MPHOSPH9: variants seen among roughly 807,000 people sequenced by gnomAD.
The protein encoded by MPHOSPH9 is M-phase phosphoprotein 9.
MPHOSPH9 carries 88 observed loss-of-function variants against 145.5 expected under a neutral mutation model. The ratio of observed to expected loss-of-function variants is 0.60; its 90% confidence interval spans 0.51 to 0.72. MPHOSPH9 has a LOEUF of 0.72. MPHOSPH9 is among the 30% of genes least tolerant of loss of function. The pLI, the probability that MPHOSPH9 is intolerant of heterozygous loss-of-function variation, is 0.00. For synonymous variants in MPHOSPH9, 435 were observed against 486.2 expected (o/e 0.89, Z 1.39); for missense variants, 1,238 against 1,386.6 (o/e 0.89, Z 1.70).
rs2044337887 is a variant in MPHOSPH9 at position 123,166,733 on chromosome 12, T to C, written c.2513A>G (p.Tyr838Cys). 4.3e-6 allele frequency: 7 copies of C among 1,614,116 alleles called. No individual in the cohort carries two copies. Among genetic ancestry groups the C allele is most frequent in the African/African-American group, 2.7e-5 (2 of 75,050 alleles). ...RRKWLIPGAE[Y>C]SIFTGQPLDT... ...CAGAGGCTGGCCAGTAAAGATGGAATACTCTGCACCTGGAATCAGCCATTT... is the reference window on the plus strand; with the variant it reads ...CAGAGGCTGGCCAGTAAAGATGGAACACTCTGCACCTGGAATCAGCCATTT... Residue 838 changes from tyrosine (Y) to cysteine (C), a missense_variant, in exon 17 of 24, where the codon TAT becomes TGT. This residue lies in a region of MPHOSPH9 where 393 missense variants were observed against 462.5 expected (regional missense o/e 0.85). Coordinates refer to ENST00000606320, the MANE Select transcript of MPHOSPH9 (RefSeq NM_022782.4).
intron 3 of MPHOSPH9, among the ~76,000 whole-genome samples, chr12:123,226,600 T>C (rs1314838228): frequency 6.6e-6 from 1 of 151,988 alleles, no homozygotes; most frequent in African/African-American, 2.4e-5. Context: ...TATCCACCTC[T>C]GCCTCAAGTG....
intron 12 of MPHOSPH9, among the ~76,000 whole-genome samples, chr12:123,195,576 ACT>A (rs2045910133): frequency 6.6e-6 from 1 of 151,320 alleles, no homozygotes; most frequent in Admixed American, 6.6e-5. Flanking sequence ...ACAGAGTGAG[ACT>A]CTGTCTCAAA....
intron 16 of MPHOSPH9, among the ~76,000 whole-genome samples, chr12:123,169,420 G>A (rs1396277898): frequency 2.0e-5 from 3 of 151,046 alleles, no homozygotes; most frequent in Non-Finnish European, 4.4e-5. Flanking sequence ...AATGGCATAA[G>A]CCCAGGAGGC....
At chr12:123,201,328 T>C (rs1185458823) in intron 11 of MPHOSPH9, among the ~76,000 whole-genome samples, 2 of 152,166 alleles carry the variant, frequency 1.3e-5, no homozygotes, top group African/African-American at 4.8e-5. Flanking sequence ...CTTTTCTCCT[T>C]AGAGAATGCC....
At chr12:123,197,031 GTTTTTTTTTTTTTTTTTTT>G (rs56061451) in intron 12 of MPHOSPH9, among the ~76,000 whole-genome samples, 2 of 72,988 alleles carry the variant, frequency 2.7e-5, no homozygotes, top group Non-Finnish European at 5.0e-5. Context: ...AGGGGTGTGG[GTTTTTTTTTTTTTTTTTTT>G]TTTTTTTTTG....
At chr12:123,189,582 A>G (rs1268786464) in intron 13 of MPHOSPH9, among the ~76,000 whole-genome samples, 2 of 152,204 alleles carry the variant, frequency 1.3e-5, no homozygotes, top group Non-Finnish European at 2.9e-5. Context: ...AAGTTGTGCT[A>G]CTACTACATG....
At chr12:123,187,943 T>C (rs193043141) in intron 13 of MPHOSPH9, among the ~76,000 whole-genome samples, 58 of 152,168 alleles carry the variant, frequency 3.8e-4, no homozygotes, top group African/African-American at 1.4e-3. Flanking sequence ...CTGGCCAACA[T>C]GGTGAAACTG....
intron 1 of MPHOSPH9, chr12:123,232,817 C>T (rs2047720482): frequency 6.6e-6 from 1 of 152,204 alleles, no homozygotes; most frequent in Non-Finnish European, 1.5e-5. Flanking sequence ...CCCCACAAAC[C>T]CCCCGCCCCT....
intron 3 of MPHOSPH9, among the ~76,000 whole-genome samples, chr12:123,224,110 T>TTATATATATATATATATATATATATATA (rs147637276): frequency 3.9e-4 from 47 of 120,364 alleles, no homozygotes; most frequent in Non-Finnish European, 5.7e-4. Context: ...AATTGCTAAT[T>TTATATATATATATATATATATATATATA]TATATATATA....
At chr12:123,204,363 T>C (rs1157116251) in intron 8 of MPHOSPH9, among the ~76,000 whole-genome samples, 2 of 151,818 alleles carry the variant, frequency 1.3e-5, no homozygotes, top group Non-Finnish European at 2.9e-5. Context: ...TGAGAAAACT[T>C]TCGGCCAAAT....
intron 11 of MPHOSPH9, among the ~76,000 whole-genome samples, chr12:123,201,171 A>G (rs2046205177): frequency 6.6e-6 from 1 of 152,212 alleles, no homozygotes; most frequent in South Asian, 2.1e-4. Context: ...GTTAACTACC[A>G]CAGCAACCAA....
At chr12:123,221,016 C>G (rs1020653762) in intron 5 of MPHOSPH9, among the ~76,000 whole-genome samples, 2 of 152,312 alleles carry the variant, frequency 1.3e-5, no homozygotes, top group South Asian at 4.1e-4. Flanking sequence ...GATTGCGCCA[C>G]TGCACTCCAG....
In MPHOSPH9 at chr12:123,210,055, C is replaced by T. The variant is rs745870092; in HGVS notation, c.1194+1G>A. 6.3e-7 allele frequency: 1 copy of T among 1,598,920 alleles called. No individual in the cohort carries two copies. Among genetic ancestry groups the T allele is most frequent in the East Asian group, 2.3e-5 (1 of 44,408 alleles). On this transcript the variant is annotated splice_donor_variant, in intron 8 of 23. Transcript: ENST00000606320. LOFTEE classifies it high-confidence loss of function. ...CCGGCCACCGTGTGTTTTTAAATTA[C>T]CTGGTTTGGTGACACATCTGTGGAA...
chr12:123,204,862 GAC>G (rs1487383093), intron 8 of MPHOSPH9, among the ~76,000 whole-genome samples: 1 of 152,114 alleles, frequency 6.6e-6, no homozygotes, highest in Non-Finnish European at 1.5e-5. Context: ...TAGCCTGGGC[GAC>G]AGAGCAAAAC....
At chr12:123,176,237 A>G (rs1320968565) in intron 16 of MPHOSPH9, among the ~76,000 whole-genome samples, 1 of 152,220 alleles carries the variant, frequency 6.6e-6, no homozygotes, top group African/African-American at 2.4e-5. Context: ...ATTATAGCCA[A>G]GCTAATTCTG....
intron 1 of MPHOSPH9, among the ~76,000 whole-genome samples, chr12:123,241,398 C>T (rs12811650): frequency 1.6e-4 from 24 of 152,126 alleles, no homozygotes; most frequent in Middle Eastern, 3.2e-3. Flanking sequence ...AGCGCAATGG[C>T]GTGATCTCGG....
chr12:123,200,679 CT>C (rs1300265805), intron 11 of MPHOSPH9, among the ~76,000 whole-genome samples: 1 of 145,464 alleles, frequency 6.9e-6, no homozygotes, highest in Non-Finnish European at 1.5e-5. Flanking sequence ...GAAACTGAGT[CT>C]CACTCTGTCG....
intron 8 of MPHOSPH9, among the ~76,000 whole-genome samples, chr12:123,204,694 G>C (rs940393979): frequency 7.9e-5 from 12 of 152,162 alleles, no homozygotes; most frequent in African/African-American, 2.9e-4. Flanking sequence ...GGCTAATATG[G>C]TGAAACCCTG....
At chr12:123,191,935 G>A (rs1415617430) in intron 13 of MPHOSPH9, among the ~76,000 whole-genome samples, 1 of 152,148 alleles carries the variant, frequency 6.6e-6, no homozygotes, top group African/African-American at 2.4e-5. Flanking sequence ...TAGTATCCTA[G>A]CTACTCAGGA....
Sources: allele counts gnomAD v4.1 joint callset (sites outside exome capture counted in the v4.1 genomes callset), GRCh38; gene constraint gnomAD v4.1.1; regional missense constraint gnomAD v4.1.1; transcripts MANE v1.5; gene names NCBI Gene and HGNC (gene_info 2026-07-23, HGNC 2026-07-21).